TTC27: variants seen among roughly 807,000 people sequenced by gnomAD.
TTC27 encodes the protein tetratricopeptide repeat domain 27.
In TTC27, 79 loss-of-function variants were observed where a neutral mutation model predicts 115.9. The ratio of observed to expected loss-of-function variants is 0.68; its 90% CI spans 0.57 to 0.82. The LOEUF (loss-of-function observed/expected upper bound fraction) is 0.82. TTC27 is among the 40% of genes least tolerant of loss of function. The probability of loss-of-function intolerance (pLI) is 0.00; values close to 1 mark genes in which losing one functional copy is unlikely to be tolerated. For synonymous variants in TTC27, 401 were observed against 356.0 expected (o/e 1.13, Z -1.42); for missense variants, 1,054 against 993.1 (o/e 1.06, Z -0.82).
intron 3 of TTC27, 93 bp from the exon 4 acceptor site, chr2:32,640,177 G>A: frequency 1.6e-6 from 2 of 1,218,646 alleles, no homozygotes; most frequent in South Asian, 3.0e-5. Flanking sequence ...TTTCAAAGCT[G>A]AGTTGACTGG....
At chr2:32,631,930 G>T (rs1342962951) in intron 2 of TTC27, among the ~76,000 whole-genome samples, 4 of 151,146 alleles carry the variant, frequency 2.6e-5, no homozygotes, top group Non-Finnish European at 5.9e-5. Context: ...CTTCCCTCAG[G>T]TTCCCATGTA....
intron 12 of TTC27, among the ~76,000 whole-genome samples, chr2:32,752,946 T>C (rs767742022): frequency 1.3e-5 from 2 of 152,174 alleles, no homozygotes; most frequent in African/African-American, 4.8e-5. Flanking sequence ...ACAAACCCAC[T>C]CAAAACTTAG....
At chr2:32,667,651 G>A (rs1161053974) in intron 7 of TTC27, among the ~76,000 whole-genome samples, 1 of 150,996 alleles carries the variant, frequency 6.6e-6, no homozygotes, top group Non-Finnish European at 1.5e-5. Context: ...CGCAACCTCA[G>A]GTGATCCACC....
chr2:32,782,184 G>A lies in TTC27; in HGVS notation c.1780-442G>A, dbSNP rs114303874. 3.2e-3 allele frequency among the ~76,000 whole-genome samples: 486 copies of A among 152,254 alleles called. 1 individual carries two copies. Among genetic ancestry groups the A allele is most frequent in the African/African-American group, 0.011 (460 of 41,538 alleles). On this transcript the variant is annotated intron_variant, in intron 14 of 19. Coordinates refer to ENST00000317907, the MANE Select transcript of TTC27 (RefSeq NM_017735.5). ...AGGTAGAGAAATATCTTTGATGGAT[G>A]AAATACTTAGTAGTAACACTGGAGA... is the stretch of plus-strand genomic sequence containing the variant.
chr2:32,661,777 T>G (rs1003132908), intron 5 of TTC27, among the ~76,000 whole-genome samples: 1 of 152,204 alleles, frequency 6.6e-6, no homozygotes, highest in Admixed American at 6.5e-5. Context: ...CTTGACTGAT[T>G]GCCCTGGCCA....
chr2:32,687,320 G>T (rs1429210118), intron 9 of TTC27, among the ~76,000 whole-genome samples: 1 of 152,132 alleles, frequency 6.6e-6, no homozygotes, highest in African/African-American at 2.4e-5. Context: ...AAATGCAAAG[G>T]CATCTGGCTA....
intron 5 of TTC27, among the ~76,000 whole-genome samples, chr2:32,650,594 T>C (rs1203062440): frequency 6.6e-6 from 1 of 151,964 alleles, no homozygotes; most frequent in Non-Finnish European, 1.5e-5. Context: ...CCTTAGTTCT[T>C]TTTTTAAAAA....
chr2:32,815,403 A>C (rs1200613382), intron 18 of TTC27, among the ~76,000 whole-genome samples: 1 of 151,382 alleles, frequency 6.6e-6, no homozygotes, highest in Non-Finnish European at 1.5e-5. Flanking sequence ...ACGCCCGGCT[A>C]ATTTTTTGTA....
intron 14 of TTC27, among the ~76,000 whole-genome samples, chr2:32,778,939 T>G (rs960658031): frequency 2.0e-5 from 3 of 152,232 alleles, no homozygotes; most frequent in African/African-American, 7.2e-5. Context: ...AAGTACCATT[T>G]TAGGCCGGGT....
At chr2:32,731,780 C>T (rs1432940966) in intron 10 of TTC27, among the ~76,000 whole-genome samples, 1 of 152,046 alleles carries the variant, frequency 6.6e-6, no homozygotes. Context: ...CTTTAGTGGT[C>T]TTTGCCATTT....
At chr2:32,780,368 C>A (rs529799626) in intron 14 of TTC27, among the ~76,000 whole-genome samples, 2 of 152,172 alleles carry the variant, frequency 1.3e-5, no homozygotes, top group Non-Finnish European at 2.9e-5. Context: ...AAGTTTTACA[C>A]CTCTTTTGTT....
At chr2:32,750,286 G>A (rs546223658) in intron 12 of TTC27, among the ~76,000 whole-genome samples, 101 of 152,336 alleles carry the variant, frequency 6.6e-4, no homozygotes, top group African/African-American at 2.4e-3. Flanking sequence ...CTATAGGTCA[G>A]CAGAGCCAGC....
chr2:32,700,701 C>A (rs1667156176), intron 9 of TTC27, among the ~76,000 whole-genome samples: 2 of 152,180 alleles, frequency 1.3e-5, no homozygotes, highest in Admixed American at 1.3e-4. Context: ...TCATGCCCGG[C>A]TAATTTTTTT....
chr2:32,692,455 T>A (rs1055742398), intron 9 of TTC27, among the ~76,000 whole-genome samples: 1 of 152,136 alleles, frequency 6.6e-6, no homozygotes, highest in African/African-American at 2.4e-5. Flanking sequence ...GTATAGAGTT[T>A]CAGCTGCAAG....
intron 14 of TTC27, 27 bp downstream of exon 14, chr2:32,778,007 A>G: frequency 6.2e-7 from 1 of 1,607,438 alleles, no homozygotes; most frequent in South Asian, 1.1e-5. Flanking sequence ...TTCTGTCCTT[A>G]CGTGGCTCTT....
chr2:32,702,090 C>G (rs1008678521), intron 9 of TTC27, among the ~76,000 whole-genome samples: 1 of 151,850 alleles, frequency 6.6e-6, no homozygotes, highest in African/African-American at 2.4e-5. Context: ...ATCTGATATA[C>G]TTTTAGAATA....
chr2:32,633,938 C>T lies in TTC27; in HGVS notation c.329C>T (p.Thr110Met), dbSNP rs552686214. Residue 110 changes from threonine to methionine, a missense_variant, in exon 3 of 20, where the codon ACG becomes ATG. By Grantham distance (81) the Thr-to-Met change is moderately conservative (BLOSUM62 -1). Transcript: ENST00000317907. ...SLQLFVQSNW[T>M]GPPVDLHPQD... ...CAACTTTTTGTTCAGAGCAACTGGA[C>T]GGGGCCCCCTGTTGACTTACACCCT... 230 of 1,613,942 alleles carry T rather than the reference C, an allele frequency of 1.4e-4. 2 individuals carry two copies. In the South Asian group the frequency reaches 2.2e-3, roughly 15 times the overall value.
At chr2:32,777,282 A>G (rs1670026776) in intron 13 of TTC27, among the ~76,000 whole-genome samples, 1 of 152,234 alleles carries the variant, frequency 6.6e-6, no homozygotes, top group African/African-American at 2.4e-5. Flanking sequence ...TACTTTGTAT[A>G]TGGTGGTCCC....
chr2:32,722,218 A>G (rs1667956728), intron 10 of TTC27, among the ~76,000 whole-genome samples: 1 of 152,210 alleles, frequency 6.6e-6, no homozygotes, highest in African/African-American at 2.4e-5. Flanking sequence ...GGGTCATGCC[A>G]TCAAGATTTT....
Sources: gnomAD v4.1 joint callset for allele counts (sites outside exome capture counted in the v4.1 genomes callset) on GRCh38, gnomAD v4.1.1 for gene constraint, MANE v1.5 for transcripts, NCBI Gene and HGNC (gene_info 2026-07-23, HGNC 2026-07-21) for gene names.